Variants in PCGF5 observed in about 807,000 individuals in gnomAD.
The protein encoded by PCGF5 is polycomb group RING finger protein 5.
A neutral mutation model predicts 44.3 loss-of-function variants in PCGF5; 9 were observed. The ratio of observed to expected loss-of-function variants is 0.20; its 90% CI spans 0.12 to 0.35. The LOEUF (loss-of-function observed/expected upper bound fraction) is 0.35. Ranked by LOEUF, PCGF5 falls within the 10% of genes least tolerant of loss-of-function variation. The pLI is 1.00. For synonymous variants in PCGF5, 95 were observed against 102.5 expected (o/e 0.93, Z 0.44); for missense variants, 146 against 305.3 (o/e 0.48, Z 3.89).
chr10:91,273,619 C>CT (rs1395501965), intron 9 of PCGF5, among the ~76,000 whole-genome samples: 2 of 152,038 alleles, frequency 1.3e-5, no homozygotes, highest in African/African-American at 4.8e-5. Flanking sequence ...TGAATTCTCT[C>CT]TAATTTTCAA....
At chr10:91,234,100 G>A (rs141899418) in intron 2 of PCGF5, among the ~76,000 whole-genome samples, 1 of 152,202 alleles carries the variant, frequency 6.6e-6, no homozygotes, top group African/African-American at 2.4e-5. Flanking sequence ...ATACATCTAA[G>A]ATAGCAACAA....
chr10:91,171,063 A>G (rs1843595546), intron 1 of PCGF5, among the ~76,000 whole-genome samples: 1 of 152,252 alleles, frequency 6.6e-6, no homozygotes, highest in Non-Finnish European at 1.5e-5. Flanking sequence ...TAAAAAGATC[A>G]GTGGTTGCCA....
intron 1 of PCGF5, among the ~76,000 whole-genome samples, chr10:91,203,607 A>G (rs1844291797): frequency 6.6e-6 from 1 of 152,188 alleles, no homozygotes; most frequent in African/African-American, 2.4e-5. Flanking sequence ...GTTAAAATAA[A>G]TTTTTGACAT....
chr10:91,201,114 T>C (rs1844243758), intron 1 of PCGF5, among the ~76,000 whole-genome samples: 1 of 152,114 alleles, frequency 6.6e-6, no homozygotes, highest in Non-Finnish European at 1.5e-5. Flanking sequence ...GGGAGCTGTC[T>C]TAGTTTGTTT....
chr10:91,221,723 T>TAAA (rs57050045), intron 1 of PCGF5, among the ~76,000 whole-genome samples: 1 of 144,162 alleles, frequency 6.9e-6, no homozygotes. Flanking sequence ...ATTTTACAGT[T>TAAA]AAAAAAAAAA....
In PCGF5 at chr10:91,222,737, G is replaced by A. The variant is rs1589377138; in HGVS notation, c.-135G>A. On this transcript the variant is annotated 5_prime_UTR_variant, in exon 2 of 10. The change abolishes an upstream ATG in the 5' untranslated region. Coordinates refer to ENST00000336126, the MANE Select transcript of PCGF5 (RefSeq NM_032373.5). ...AAGGAGTGATGATCAACGATCTCAT[G>A]ATAAATCTGGATGCTAGTTCTCATG... 3.7e-6 allele frequency: 2 copies of A among 537,814 alleles called. No individual in the cohort carries two copies. Among genetic ancestry groups the A allele is most frequent in the Non-Finnish European group, 6.7e-6 (2 of 298,844 alleles). The allele number at this position is 537,814 out of a possible 1,614,324, so 33.3% of individuals were successfully genotyped here. A position where few individuals can be genotyped will look rare whatever the true frequency, so the allele number is the denominator to read the frequency against.
At chr10:91,271,104 A>G (rs192938580) in intron 8 of PCGF5, among the ~76,000 whole-genome samples, 1,422 of 123,570 alleles carry the variant, frequency 0.012, 20 homozygotes, top group Non-Finnish European at 0.017. Context: ...ATCTAATGCT[A>G]TATATATATA....
intron 2 of PCGF5, among the ~76,000 whole-genome samples, chr10:91,232,717 G>A (rs551367311): frequency 6.6e-6 from 1 of 152,170 alleles, no homozygotes; most frequent in African/African-American, 2.4e-5. Flanking sequence ...AATAGGTGTG[G>A]TGGTAAAAGT....
At chr10:91,208,286 T>C (rs1844382991) in intron 1 of PCGF5, among the ~76,000 whole-genome samples, 1 of 152,232 alleles carries the variant, frequency 6.6e-6, no homozygotes, top group Admixed American at 6.5e-5. Context: ...AAATTCAGTG[T>C]GTATGATCCA....
chr10:91,278,003 C>T (rs1468765636), intron 9 of PCGF5, among the ~76,000 whole-genome samples: 1 of 152,138 alleles, frequency 6.6e-6, no homozygotes, highest in Non-Finnish European at 1.5e-5. Flanking sequence ...TGTGCTAGCA[C>T]TAGTCATATA....
intron 8 of PCGF5, among the ~76,000 whole-genome samples, chr10:91,265,764 C>T (rs1294083440): frequency 4.6e-5 from 7 of 152,174 alleles, no homozygotes; most frequent in African/African-American, 1.2e-4. Context: ...GAAGCACCTA[C>T]ATTTGTAAAT....
At chr10:91,249,371 GTATA>G (rs3074316) in intron 5 of PCGF5, among the ~76,000 whole-genome samples, 173 of 120,444 alleles carry the variant, frequency 1.4e-3, no homozygotes, top group South Asian at 3.1e-3. Flanking sequence ...GGCTTTTAGT[GTATA>G]TATATATATA....
intron 2 of PCGF5, among the ~76,000 whole-genome samples, chr10:91,233,464 C>T (rs28661426): frequency 0.12 from 18,699 of 152,092 alleles, 2,090 homozygotes; most frequent in African/African-American, 0.29. Flanking sequence ...AAAATGCTGT[C>T]CTTAGGGTTC....
upstream of PCGF5, among the ~76,000 whole-genome samples, chr10:91,218,985 T>C (rs556890927): frequency 5.1e-4 from 78 of 152,284 alleles, no homozygotes; most frequent in Non-Finnish European, 4.6e-4. Context: ...TTTTATTTTG[T>C]GTATGTGTGC....
chr10:91,255,984 TTTA>T (rs1392983685), intron 6 of PCGF5, among the ~76,000 whole-genome samples: 1 of 152,042 alleles, frequency 6.6e-6, no homozygotes, highest in African/African-American at 2.4e-5. Flanking sequence ...CTATATTATT[TTTA>T]TTATTGTTAT....
At chr10:91,174,189 A>C (rs1180230163) in intron 1 of PCGF5, among the ~76,000 whole-genome samples, 4 of 151,308 alleles carry the variant, frequency 2.6e-5, no homozygotes, top group Non-Finnish European at 5.9e-5. Context: ...TTCAGTGAAA[A>C]AGCTTCATTG....
At position 91,260,863 on chromosome 10, in the gene PCGF5, G is replaced by A. The variant is rs540194814; in HGVS notation, c.475-463G>A. On this transcript the variant is annotated intron_variant, in intron 6 of 9. Coordinates refer to ENST00000336126, the MANE Select transcript of PCGF5 (RefSeq NM_032373.5). ...GTAGGAGATATACCTAATGCTAAAT[G>A]ACCAGTTAATGGGTGCAGCACACCA... Among the ~76,000 whole-genome samples the A allele has an allele frequency of 1.2e-4, 18 of 151,326 alleles. No homozygotes were observed. The South Asian group carries it at 3.6e-3, about 30-fold the overall frequency.
At chr10:91,225,271 G>A (rs1037223415) in intron 2 of PCGF5, among the ~76,000 whole-genome samples, 3 of 144,580 alleles carry the variant, frequency 2.1e-5, no homozygotes, top group African/African-American at 7.6e-5. Flanking sequence ...ATGTATATAC[G>A]ATATATATCA....
chr10:91,204,277 A>G (rs1844302289), intron 1 of PCGF5, among the ~76,000 whole-genome samples: 1 of 152,088 alleles, frequency 6.6e-6, no homozygotes, highest in African/African-American at 2.4e-5. Flanking sequence ...TGGATAATAA[A>G]TTGAACTTAT....
Sources: allele counts gnomAD v4.1 joint callset (sites outside exome capture counted in the v4.1 genomes callset), GRCh38; gene constraint gnomAD v4.1.1; transcripts MANE v1.5; gene names NCBI Gene and HGNC (gene_info 2026-07-23, HGNC 2026-07-21).